PSMA3: variants seen among roughly 807,000 people sequenced by gnomAD.
PSMA3 encodes the protein proteasome 20S subunit alpha 3, also known as proteasome subunit alpha type-3.
A neutral mutation model predicts 40.0 loss-of-function variants in PSMA3; 8 were observed. The ratio of observed to expected loss-of-function variants is 0.20; its 90% CI spans 0.12 to 0.36. The LOEUF is 0.36. Among genes scored for constraint, PSMA3 ranks in the 10% least tolerant of loss-of-function variants. PSMA3 has a pLI of 1.00. For synonymous variants in PSMA3, 110 were observed against 100.0 expected, an observed-to-expected ratio of 1.10 and a Z score of -0.59; for missense variants, 219 against 310.6, an observed-to-expected ratio of 0.70 and a Z score of 2.22.
At chr14:58,271,622 C>T (rs996091453) in intron 10 of PSMA3, among the ~76,000 whole-genome samples, 26 of 152,140 alleles carry the variant, frequency 1.7e-4, no homozygotes, top group Non-Finnish European at 2.9e-5. Context: ...GGCATGAACA[C>T]TGCACCAGGC....
intron 6 of PSMA3, among the ~76,000 whole-genome samples, chr14:58,262,289 C>T (rs1396454064): frequency 6.6e-6 from 1 of 152,038 alleles, no homozygotes; most frequent in Non-Finnish European, 1.5e-5. Flanking sequence ...TGGCGCCAAA[C>T]CTCCACCTCC....
At chr14:58,267,452 G>GTA in intron 7 of PSMA3, 22 bp from the exon 8 acceptor site, 1 of 1,540,062 alleles carries the variant, frequency 6.5e-7, no homozygotes, top group Non-Finnish European at 8.7e-7. Context: ...CTGATGAACA[G>GTA]TATACATTTT....
chr14:58,261,675 T>C (rs1040780610), intron 6 of PSMA3, among the ~76,000 whole-genome samples: 1 of 152,240 alleles, frequency 6.6e-6, no homozygotes, highest in Non-Finnish European at 1.5e-5. Flanking sequence ...GACACAATCA[T>C]AGCTCACTTC....
intron 8 of PSMA3, chr14:58,268,643 T>G (rs1443776541): frequency 6.6e-6 from 1 of 152,252 alleles, no homozygotes; most frequent in Non-Finnish European, 1.5e-5. Context: ...TATGTTATCA[T>G]GATATACTCT....
At chr14:58,251,532 CTGAGA>C (rs1263192898) in intron 2 of PSMA3, among the ~76,000 whole-genome samples, 1 of 152,216 alleles carries the variant, frequency 6.6e-6, no homozygotes, top group African/African-American at 2.4e-5. Flanking sequence ...TCCCAAAGTG[CTGAGA>C]TTACAGGTGT....
chr14:58,250,338 C>T (rs1889983018), intron 2 of PSMA3, among the ~76,000 whole-genome samples: 1 of 151,988 alleles, frequency 6.6e-6, no homozygotes, highest in Non-Finnish European at 1.5e-5. Flanking sequence ...TACATTCTGA[C>T]CTGTACTGCT....
intron 7 of PSMA3, 120 bp from the exon 8 acceptor site, chr14:58,267,354 G>A: frequency 1.0e-5 from 13 of 1,254,868 alleles, no homozygotes; most frequent in Non-Finnish European, 1.3e-5. Flanking sequence ...TTCGATTCTG[G>A]TCTTTTTCAG....
At chr14:58,263,527 G>T (rs1940543893) in intron 6 of PSMA3, 178 bp from the exon 7 acceptor site, 4 of 461,904 alleles carry the variant, frequency 8.7e-6, no homozygotes, top group Non-Finnish European at 7.8e-6. Flanking sequence ...GAATTGTTTG[G>T]TATTTTAGTA....
At position 58,261,782 on chromosome 14, in the gene PSMA3, A is replaced by AT. The variant is rs753812128; in HGVS notation, c.477+769dup. ...GCCACCATGCCTAGCTAATTTTTGT[A>AT]TTTTTTTGGTGTCTATAGAGACAAG... On this transcript the variant is annotated intron_variant, in intron 6 of 10. Transcript: ENST00000216455. Among the ~76,000 whole-genome samples the AT allele has an allele frequency of 4.6e-5, 7 of 151,764 alleles. No homozygotes were observed. In the South Asian group the frequency reaches 1.2e-3, roughly 27 times the overall value.
At chr14:58,268,939 AC>A (rs1478715237) in intron 8 of PSMA3, 1 of 151,588 alleles carries the variant, frequency 6.6e-6, no homozygotes, top group Non-Finnish European at 1.5e-5. Flanking sequence ...TTAATTTGAT[AC>A]TTTTTTTTTT....
intron 7 of PSMA3, chr14:58,266,287 A>C (rs1008668684): frequency 2.0e-5 from 3 of 152,224 alleles, no homozygotes; most frequent in African/African-American, 7.2e-5. Context: ...CAAAATTAAA[A>C]AATAAAAGAT....
intron 5 of PSMA3, among the ~76,000 whole-genome samples, chr14:58,259,703 G>A (rs1191668389): frequency 6.6e-6 from 1 of 152,178 alleles, no homozygotes; most frequent in Non-Finnish European, 1.5e-5. Flanking sequence ...AAATATTAGT[G>A]ATATGATAAA....
intron 5 of PSMA3, among the ~76,000 whole-genome samples, chr14:58,258,875 T>C (rs1890207116): frequency 6.6e-6 from 1 of 152,352 alleles, no homozygotes; most frequent in African/African-American, 2.4e-5. Context: ...TCATCAGTCA[T>C]ATTTAATTAC....
At chr14:58,261,179 ATTT>A (rs11402145) in intron 6 of PSMA3, among the ~76,000 whole-genome samples, 159 bp downstream of exon 6, 1 of 142,420 alleles carries the variant, frequency 7.0e-6, no homozygotes, top group Non-Finnish European at 1.5e-5. Context: ...GTCCAACAGA[ATTT>A]TTTTTTTTTT....
At chr14:58,270,889 G>T in intron 9 of PSMA3, 45 bp from the exon 10 acceptor site, 1 of 1,461,554 alleles carries the variant, frequency 6.8e-7, no homozygotes, top group South Asian at 1.2e-5. Context: ...GTTACAATAT[G>T]GTACTCAATT....
chr14:58,254,359 C>G (rs1221585184), intron 3 of PSMA3, among the ~76,000 whole-genome samples: 1 of 7,334 alleles, frequency 1.4e-4, no homozygotes, highest in African/African-American at 6.2e-4. Context: ...TACACACACA[C>G]AGAGGTCTTG....
chr14:58,254,356 A>ACAC (rs1283639147), intron 3 of PSMA3, among the ~76,000 whole-genome samples: 2 of 138,354 alleles, frequency 1.4e-5, no homozygotes, highest in East Asian at 4.4e-4. Context: ...ATGTACACAC[A>ACAC]CACAGAGGTC....
chr14:58,259,419 A>G (rs926145239), intron 5 of PSMA3, among the ~76,000 whole-genome samples: 5 of 152,040 alleles, frequency 3.3e-5, no homozygotes, highest in African/African-American at 7.2e-5. Context: ...GGTTCAAGCT[A>G]TTCTCCTGCC....
chr14:58,245,100 C>G, intron 1 of PSMA3, 159 bp downstream of exon 1: 1 of 866,132 alleles, frequency 1.2e-6, no homozygotes, highest in South Asian at 1.4e-5. Context: ...GTCTTTATCC[C>G]CTATATGCTA....
Sources: allele counts gnomAD v4.1 joint callset (sites outside exome capture counted in the v4.1 genomes callset), GRCh38; gene constraint gnomAD v4.1.1; transcripts MANE v1.5; gene names NCBI Gene and HGNC (gene_info 2026-07-23, HGNC 2026-07-21).